Variants in ANKRD42 observed in about 807,000 individuals in gnomAD.
The protein encoded by ANKRD42 is ankyrin repeat domain-containing protein 42.
A neutral mutation model predicts 51.5 loss-of-function variants in ANKRD42; 43 were observed. That is an observed-to-expected ratio of 0.83 (90% confidence interval 0.65 to 1.08). The LOEUF (loss-of-function observed/expected upper bound fraction) is 1.08, where lower values mean the gene tolerates loss of function less well. Among genes scored for constraint, ANKRD42 ranks in the 50% least tolerant of loss-of-function variants. The probability of loss-of-function intolerance (pLI) is 0.00; values close to 1 mark genes in which losing one functional copy is unlikely to be tolerated. For synonymous variants in ANKRD42, 203 were observed against 213.0 expected, an observed-to-expected ratio of 0.95 and a Z score of 0.41; for missense variants, 608 against 629.3, an observed-to-expected ratio of 0.97 and a Z score of 0.36.
rs190538375 is a variant in ANKRD42, at chr11:83,254,870, T to C, written c.1465-975T>C. On this transcript the variant is annotated intron_variant, in intron 11 of 11. Transcript: ENST00000260047. ...AAACTTTTTTTCAAGAGACCATCTGTATTACCCTATGCCCACAAACACCTG... is the reference window on the plus strand; with the variant it reads ...AAACTTTTTTTCAAGAGACCATCTGCATTACCCTATGCCCACAAACACCTG... Among the ~76,000 whole-genome samples, 14 of 152,320 alleles carry C rather than the reference T, an allele frequency of 9.2e-5. 1 individual carries two copies. In the South Asian group the frequency reaches 2.1e-3, roughly 23 times the overall value.
chr11:83,196,366 TTAG>T (rs1861652989), intron 1 of ANKRD42, among the ~76,000 whole-genome samples: 1 of 151,724 alleles, frequency 6.6e-6, no homozygotes, highest in Non-Finnish European at 1.5e-5. Flanking sequence ...CCTTAATACT[TTAG>T]TAGTAGGATT....
At chr11:83,245,063 C>T (rs1353608215) in intron 9 of ANKRD42, among the ~76,000 whole-genome samples, 1 of 152,122 alleles carries the variant, frequency 6.6e-6, no homozygotes, top group African/African-American at 2.4e-5. Context: ...TGCCACCACA[C>T]CGGCTAATTT....
At chr11:83,250,082 C>T (rs681367), downstream of ANKRD42, among the ~76,000 whole-genome samples, 109,078 of 152,022 alleles carry the variant, frequency 0.72, 39,862 homozygotes, top group Middle Eastern at 0.84. Context: ...AAGAATTTAT[C>T]TGGGAGTCTA....
At position 83,194,635 on chromosome 11, in the gene ANKRD42, G is replaced by A; in HGVS notation, c.-36G>A. 6.2e-7 allele frequency: 1 copy of A among 1,611,150 alleles called. No individual in the cohort carries two copies. The highest frequency in any genetic ancestry group is 8.5e-7 in the Non-Finnish European group (1 of 1,178,216). ...AGACCGCCGCAGCATCAGGGGCCTG[G>A]ACTCAACTCCTCCCCAGAGTCGGAG... On this transcript the variant is annotated 5_prime_UTR_variant, in exon 1 of 11. Coordinates refer to ENST00000533342, the MANE Select transcript of ANKRD42 (RefSeq NM_001300975.2).
At chr11:83,249,109 G>A (rs1357621978), downstream of ANKRD42, 9 of 556,010 alleles carry the variant, frequency 1.6e-5, no homozygotes, top group Non-Finnish European at 2.1e-5. Flanking sequence ...ATAACTCACT[G>A]CTTCCAATCA....
At chr11:83,231,876 G>C (rs1267720202) in intron 7 of ANKRD42, among the ~76,000 whole-genome samples, 1 of 152,090 alleles carries the variant, frequency 6.6e-6, no homozygotes, top group Non-Finnish European at 1.5e-5. Flanking sequence ...TTCACTGTAG[G>C]TGTGTAGATT....
rs761706678 is a variant in ANKRD42 at position 83,240,748 on chromosome 11, C to A, written c.1020-11C>A. 22 of 1,613,116 alleles carry A rather than the reference C, an allele frequency of 1.4e-5. No individual in the cohort carries two copies. The African/African-American group carries it at 2.7e-4, about 20-fold the overall frequency. ...TTGTGGATCTGGTTAGTTATTGATT[C>A]TTTTCTACAGGTTTGCCCATTTGGC... is the stretch of plus-strand genomic sequence containing the variant. On this transcript the variant is annotated splice_polypyrimidine_tract_variant and intron_variant, in intron 8 of 10. Coordinates refer to ENST00000533342, the MANE Select transcript of ANKRD42 (RefSeq NM_001300975.2).
intron 5 of ANKRD42, among the ~76,000 whole-genome samples, chr11:83,211,961 G>T (rs1305821588): frequency 6.6e-6 from 1 of 152,010 alleles, no homozygotes; most frequent in African/African-American, 2.4e-5. Flanking sequence ...CAGCAAAAGA[G>T]AAATTGGCAA....
chr11:83,228,952 T>C (rs1254562176), intron 7 of ANKRD42, among the ~76,000 whole-genome samples: 1 of 81,480 alleles, frequency 1.2e-5, no homozygotes, highest in East Asian at 3.0e-4. Flanking sequence ...TGTTTTTTTT[T>C]GTTTTTTTTT....
chr11:83,198,607 C>G lies in ANKRD42; in HGVS notation c.187C>G (p.Pro63Ala). Residue 63 changes from proline (P) to alanine (A), a missense_variant, in exon 2 of 11, where the codon CCT becomes GCT. Coordinates refer to ENST00000533342, the MANE Select transcript of ANKRD42 (RefSeq NM_001300975.2). ...ACTTGATGTTCTCCATAAGTTTACC[C>G]CTTTACATTGGGCAGCACATTCTGG... is the stretch of plus-strand genomic sequence containing the variant. ...NELDVLHKFT[P>A]LHWAAHSGSL... 1.2e-6 allele frequency: 2 copies of G among 1,609,126 alleles called. No homozygotes were observed. Among genetic ancestry groups the G allele is most frequent in the African/African-American group, 1.3e-5 (1 of 74,812 alleles).
intron 2 of ANKRD42, among the ~76,000 whole-genome samples, chr11:83,202,128 G>A (rs1861896411): frequency 6.6e-6 from 1 of 152,048 alleles, no homozygotes; most frequent in South Asian, 2.1e-4. Context: ...GGGTTTAGGT[G>A]TTACTTTTAA....
At chr11:83,229,470 C>T (rs1354098523) in intron 7 of ANKRD42, among the ~76,000 whole-genome samples, 1 of 152,002 alleles carries the variant, frequency 6.6e-6, no homozygotes, top group South Asian at 2.1e-4. Context: ...GTCATTTAGA[C>T]ACAGTAGGAA....
At chr11:83,205,378 A>G (rs1862031498) in intron 2 of ANKRD42, among the ~76,000 whole-genome samples, 1 of 152,222 alleles carries the variant, frequency 6.6e-6, no homozygotes, top group Non-Finnish European at 1.5e-5. Flanking sequence ...CTTTTAAACA[A>G]ATAATATGAT....
At chr11:83,195,360 G>C (rs545344585) in intron 1 of ANKRD42, among the ~76,000 whole-genome samples, 6 of 152,206 alleles carry the variant, frequency 3.9e-5, no homozygotes, top group Non-Finnish European at 8.8e-5. Flanking sequence ...ATAATGACAA[G>C]TGAGATCAGT....
intron 9 of ANKRD42, among the ~76,000 whole-genome samples, chr11:83,242,928 T>G (rs1380425050): frequency 6.6e-6 from 1 of 152,188 alleles, no homozygotes; most frequent in Admixed American, 6.5e-5. Context: ...GTTTTTGCTG[T>G]GTGAATAGTG....
intron 7 of ANKRD42, among the ~76,000 whole-genome samples, chr11:83,230,838 G>A (rs1225559329): frequency 6.6e-6 from 1 of 152,042 alleles, no homozygotes; most frequent in African/African-American, 2.4e-5. Context: ...CGCCCACCTC[G>A]GCCTCCCAAA....
chr11:83,249,163 C>T (rs1863630901), downstream of ANKRD42, among the ~76,000 whole-genome samples: 1 of 152,180 alleles, frequency 6.6e-6, no homozygotes, highest in Non-Finnish European at 1.5e-5. Flanking sequence ...CTGTGACTCC[C>T]AGTCTCCTCA....
intron 7 of ANKRD42, 139 bp downstream of exon 7, chr11:83,228,011 G>T: frequency 1.1e-6 from 1 of 876,530 alleles, no homozygotes; most frequent in South Asian, 2.8e-5. Context: ...ATCTTGTATG[G>T]TATATAGAAT....
At chr11:83,234,209 A>G (rs1022662925) in intron 7 of ANKRD42, among the ~76,000 whole-genome samples, 5 of 152,110 alleles carry the variant, frequency 3.3e-5, no homozygotes, top group African/African-American at 1.2e-4. Context: ...GGTACCATCT[A>G]TATGTTTCTA....
Sources: gnomAD v4.1 joint callset for allele counts (sites outside exome capture counted in the v4.1 genomes callset) on GRCh38, gnomAD v4.1.1 for gene constraint, MANE v1.5 for transcripts, NCBI Gene and HGNC (gene_info 2026-07-23, HGNC 2026-07-21) for gene names.